SYNE3: variants seen among roughly 807,000 people sequenced by gnomAD.
The protein encoded by SYNE3 is spectrin repeat containing nuclear envelope family member 3.
In SYNE3, 100 loss-of-function variants were observed where a neutral mutation model predicts 111.2. The ratio of observed to expected loss-of-function variants is 0.90; its 90% CI spans 0.77 to 1.06. The LOEUF is 1.06. SYNE3 is among the 50% of genes least tolerant of loss of function. The pLI is 0.00. For synonymous variants in SYNE3, 547 were observed against 533.9 expected, an observed-to-expected ratio of 1.02 and a Z score of -0.34; for missense variants, 1,160 against 1,240.3, an observed-to-expected ratio of 0.94 and a Z score of 0.97.
chr14:95,485,715 A>G lies in SYNE3; in HGVS notation c.-14-9880T>C, dbSNP rs78678160. Among the ~76,000 whole-genome samples, 38 of 152,228 alleles carry G rather than the reference A, an allele frequency of 2.5e-4. 2 individuals carry two copies. In the East Asian group the frequency reaches 7.3e-3, roughly 29 times the overall value. The stretch of plus-strand genomic sequence containing the variant: ...GCTCAGCTCAGATGGCTCCTCTTCC[A>G]GAAAGCCTTCCCTGAATGACTGACA... On this transcript the variant is annotated intron_variant, in intron 1 of 17. Transcript: ENST00000682763. This position sits in a 1 kb window ranked among gnomAD's most constrained non-coding sequence, Gnocchi z 4.3.
chr14:95,483,573 T>C (rs531166651), intron 1 of SYNE3, among the ~76,000 whole-genome samples: 1 of 152,276 alleles, frequency 6.6e-6, no homozygotes, highest in South Asian at 2.1e-4. Context: ...AGGATAGACC[T>C]TGGCAATCTT....
intron 1 of SYNE3, among the ~76,000 whole-genome samples, chr14:95,510,023 G>A (rs188688027): frequency 2.2e-4 from 33 of 152,300 alleles, no homozygotes; most frequent in African/African-American, 6.7e-4. Context: ...AAGTATAAGC[G>A]TAAATCATCT....
intron 1 of SYNE3, among the ~76,000 whole-genome samples, chr14:95,513,197 A>G (rs971539486): frequency 6.6e-6 from 1 of 152,182 alleles, no homozygotes; most frequent in East Asian, 1.9e-4. Flanking sequence ...CACGCGTGGT[A>G]ATGCTTGGCT....
rs1595163881 is a variant in SYNE3, at chr14:95,414,163, T to C, written c.*3663A>G. The C allele has an allele frequency of 6.6e-6, 1 of 152,212 alleles. No individual in the cohort carries two copies. Among genetic ancestry groups the C allele is most frequent in the South Asian group, 2.1e-4 (1 of 4,830 alleles). The allele number at this position is 152,212 out of a possible 1,614,324, so 9.4% of individuals were successfully genotyped here. A position where few individuals can be genotyped will look rare whatever the true frequency, so the allele number is the denominator to read the frequency against. On this transcript the variant is annotated 3_prime_UTR_variant, in exon 18 of 18. Coordinates refer to ENST00000682763, the MANE Select transcript of SYNE3 (RefSeq NM_152592.6). ...AGAGGCTACAGAGACTGCAACCTGG[T>C]AGAACCAGCCTGAAGCCCCCCTCCA...
intron 1 of SYNE3, among the ~76,000 whole-genome samples, chr14:95,510,990 C>T (rs914717362): frequency 8.5e-5 from 13 of 152,206 alleles, no homozygotes; most frequent in African/African-American, 3.1e-4. Context: ...CCCCATGGCC[C>T]GCCCAGGCTG....
intron 1 of SYNE3, among the ~76,000 whole-genome samples, chr14:95,502,307 G>A (rs1890367899): frequency 6.7e-6 from 1 of 148,726 alleles, no homozygotes; most frequent in Non-Finnish European, 1.5e-5. Context: ...CAGGGGCTGG[G>A]TTCCCAGAGC....
chr14:95,434,735 G>A (rs541596174), intron 15 of SYNE3, among the ~76,000 whole-genome samples: 1 of 152,100 alleles, frequency 6.6e-6, no homozygotes, highest in Non-Finnish European at 1.5e-5. Flanking sequence ...TCGGCTCACC[G>A]CAACCTCTGC....
intron 1 of SYNE3, among the ~76,000 whole-genome samples, chr14:95,503,351 A>G (rs72694806): frequency 3.3e-4 from 51 of 152,340 alleles, no homozygotes; most frequent in Non-Finnish European, 6.6e-4. Flanking sequence ...AGGGCATGCT[A>G]TCTGCCAGGC....
intron 11 of SYNE3, among the ~76,000 whole-genome samples, chr14:95,440,641 C>T (rs1188701384): frequency 5.3e-5 from 8 of 152,234 alleles, no homozygotes; most frequent in Admixed American, 2.6e-4. Context: ...GATGAATTTA[C>T]AACCATCATC....
rs186455487 is a variant in SYNE3, at chr14:95,501,084, C to T, written c.-15+15512G>A. On this transcript the variant is annotated intron_variant, in intron 1 of 17. Transcript: ENST00000682763. The stretch of plus-strand genomic sequence containing the variant: ...GCTACGACCCAGGGGACAATGCATG[C>T]CTTCTGCCTCCATAGAATGGGCACC... Among the ~76,000 whole-genome samples the T allele has an allele frequency of 1.8e-4, 28 of 152,332 alleles. No individual in the cohort carries two copies. In the East Asian group the frequency reaches 4.2e-3, roughly 23 times the overall value.
At chr14:95,468,960 C>T (rs1342372632) in intron 2 of SYNE3, among the ~76,000 whole-genome samples, 1 of 152,140 alleles carries the variant, frequency 6.6e-6, no homozygotes, top group Non-Finnish European at 1.5e-5. Context: ...CTGCTGTGAC[C>T]TTTGTCACAG....
At chr14:95,442,543 C>A (rs1386778397) in intron 11 of SYNE3, among the ~76,000 whole-genome samples, 1 of 152,162 alleles carries the variant, frequency 6.6e-6, no homozygotes, top group East Asian at 1.9e-4. Context: ...CAACGGCAGA[C>A]CCAGGACTCC....
Position 95,417,993 on chromosome 14 carries a change from G to A in SYNE3, c.2761C>T (p.Arg921Trp), listed in dbSNP as rs746262942. Residue 921 changes from arginine to tryptophan, a missense_variant, in exon 18 of 18, where the codon CGG becomes TGG. Arg to Trp is a moderately radical substitution (Grantham distance 101). Transcript: ENST00000682763. The part of the protein sequence containing the change: ...RRWRGLGSLF[R>W]RACCVALPLQ... ...GGGAGCGCCACACAGCACGCCCTCC[G>A]GAAGAGGGAGCCCAGTCCTCGCCAC... The A allele has an allele frequency of 2.0e-5, 32 of 1,611,788 alleles. No individual in the cohort carries two copies. The highest frequency in any genetic ancestry group is 1.0e-4 in the Admixed American group (6 of 60,002).
rs1277845427 is a variant in SYNE3, at chr14:95,461,807, T to C, written c.627+4124A>G. The stretch of plus-strand genomic sequence containing the variant: ...AGAGAGACCTTTTATGCAGGGGAGG[T>C]CTTCATCAAGCTTTCAGAGCAGGGA... On this transcript the variant is annotated intron_variant, in intron 4 of 17. Transcript: ENST00000682763. Among the ~76,000 whole-genome samples the C allele has an allele frequency of 4.6e-5, 7 of 151,504 alleles. 1 individual carries two copies. The South Asian group carries it at 6.3e-4, about 14-fold the overall frequency.
In SYNE3 at chr14:95,414,212, GC is replaced by G. The variant is rs1426853754; in HGVS notation, c.*3613del. 6.6e-6 allele frequency: 1 copy of G among 152,204 alleles called. No homozygotes were observed. Among genetic ancestry groups the G allele is most frequent in the Non-Finnish European group, 1.5e-5 (1 of 68,050 alleles). 9.4% of individuals were successfully genotyped at this position (152,204 alleles called of 1,614,324 possible). A position where few individuals can be genotyped will look rare whatever the true frequency, so the allele number is the denominator to read the frequency against. ...CAGCCTGGGCTTTGGGGTCCTCATT[GC>G]CCCATGTTGTGGGTTTGGACCCACT... is the stretch of plus-strand genomic sequence containing the variant. On this transcript the variant is annotated 3_prime_UTR_variant, in exon 18 of 18. Coordinates refer to ENST00000682763, the MANE Select transcript of SYNE3 (RefSeq NM_152592.6).
rs2139428733 is a variant in SYNE3, at chr14:95,452,287, G to C, written c.1234C>G (p.Leu412Val). Residue 412 changes from leucine (L) to valine (V), a missense_variant, in exon 7 of 18, where the codon CTC becomes GTC. Physicochemically the swap from Leu to Val is conservative, Grantham distance 32 (BLOSUM62 1). Transcript: ENST00000682763. ...ATGGTAGCGATGACACTATCAGAGA[G>C]TGGCTTCAGGTTGTGAGGGAAGACG... is the stretch of plus-strand genomic sequence containing the variant. ...LIVFPHNLKP[L>V]SDSVIATIQE... The C allele has an allele frequency of 6.2e-7, 1 of 1,613,772 alleles. No individual in the cohort carries two copies. The highest frequency in any genetic ancestry group is 1.7e-5 in the Admixed American group (1 of 59,970).
In SYNE3 at chr14:95,466,247, GCA is replaced by G. The variant is rs1888167533; in HGVS notation, c.318-9_318-8del. On this transcript the variant is annotated splice_polypyrimidine_tract_variant and splice_region_variant and intron_variant, in intron 3 of 17. Coordinates refer to ENST00000682763, the MANE Select transcript of SYNE3 (RefSeq NM_152592.6). ...CCACACCCACTCGATGCGGCTGTGG[GCA>G]CAGAGACCTCAAGGTTGTGAGGGAA... 2 of 1,554,352 alleles carry G rather than the reference GCA, an allele frequency of 1.3e-6. No homozygotes were observed. Among genetic ancestry groups the G allele is most frequent in the African/African-American group, 1.3e-5 (1 of 74,132 alleles).
At chr14:95,437,664 T>G (rs1201140149) in intron 14 of SYNE3, 1 of 152,042 alleles carries the variant, frequency 6.6e-6, no homozygotes, top group African/African-American at 2.4e-5. Context: ...CATGTTTTTT[T>G]TGTTTGTTTG....
intron 9 of SYNE3, among the ~76,000 whole-genome samples, chr14:95,445,132 T>G (rs1431923452): frequency 6.6e-6 from 1 of 152,216 alleles, no homozygotes; most frequent in Non-Finnish European, 1.5e-5. Context: ...TGTGAGTGTT[T>G]GAGGGTGAAG....
Sources: gnomAD v4.1 joint callset for allele counts (sites outside exome capture counted in the v4.1 genomes callset) on GRCh38, gnomAD v4.1.1 for gene constraint, Gnocchi (gnomAD v3.1) non-coding constraint, MANE v1.5 for transcripts, NCBI Gene and HGNC (gene_info 2026-07-23, HGNC 2026-07-21) for gene names.